SRGAP2: variants seen among roughly 807,000 people sequenced by gnomAD.
The protein encoded by SRGAP2 is SLIT-ROBO Rho GTPase activating protein 2, also known as SLIT-ROBO Rho GTPase-activating protein 2.
Under a neutral mutation model 57.2 loss-of-function variants are expected in SRGAP2, and 15 were observed. That is an observed-to-expected ratio of 0.26 (90% CI 0.18 to 0.40). SRGAP2 has a LOEUF of 0.40. SRGAP2 is among the 10% of genes least tolerant of loss of function. SRGAP2 has a pLI of 1.00. For synonymous variants in SRGAP2, 249 were observed against 248.0 expected, an observed-to-expected ratio of 1.00 and a Z score of -0.04; for missense variants, 520 against 669.6, an observed-to-expected ratio of 0.78 and a Z score of 2.47.
At chr1:206,315,422 T>C (rs1239133912) in intron 3 of SRGAP2, among the ~76,000 whole-genome samples, 1 of 148,886 alleles carries the variant, frequency 6.7e-6, no homozygotes, top group African/African-American at 2.5e-5. Context: ...AGCTGTTTGT[T>C]CCCTCAGGAA....
chr1:206,283,909 C>T (rs1670878181), intron 2 of SRGAP2, among the ~76,000 whole-genome samples: 2 of 133,666 alleles, frequency 1.5e-5, no homozygotes, highest in South Asian at 5.2e-4. Context: ...GTGATATACA[C>T]TAATTTATTT....
chr1:206,231,599 G>A (rs1217585352), intron 2 of SRGAP2, among the ~76,000 whole-genome samples: 4 of 148,766 alleles, frequency 2.7e-5, no homozygotes, highest in South Asian at 2.1e-4. Flanking sequence ...GTGCAATGGC[G>A]TGATCTCAGC....
intron 17 of SRGAP2, among the ~76,000 whole-genome samples, chr1:206,440,840 C>T (rs782436574): frequency 6.6e-5 from 10 of 152,168 alleles, no homozygotes; most frequent in African/African-American, 1.2e-4. Context: ...CCACCGCACC[C>T]GGCATGTTAC....
At chr1:206,439,585 G>C (rs1662081915) in intron 16 of SRGAP2, among the ~76,000 whole-genome samples, 3 of 152,088 alleles carry the variant, frequency 2.0e-5, no homozygotes. Context: ...GGTAGATCCT[G>C]TGGGGAACAT....
In SRGAP2 at chr1:206,453,282, C is replaced by T; in HGVS notation, c.2262C>T (p.Ser754=). Residue 754 remains serine, a synonymous_variant, in exon 20 of 23, where the codon TCC becomes TCT. Transcript: ENST00000573034. The part of the protein sequence containing the change: ...ARELSFKKGA[S]LLLYQRASDD... ...AGCTATCCTTTAAGAAGGGAGCATC[C>T]CTGCTGCTTTACCAGCGGGCTTCCG... is the stretch of plus-strand genomic sequence containing the variant. 1.3e-6 allele frequency: 1 copy of T among 759,722 alleles called. No homozygotes were observed. Among genetic ancestry groups the T allele is most frequent in the Non-Finnish European group, 2.5e-6 (1 of 407,374 alleles). The allele number at this position is 759,722 out of a possible 1,614,324, so 47.1% of individuals were successfully genotyped here.
At chr1:206,417,113 T>G (rs1659794073) in intron 11 of SRGAP2, among the ~76,000 whole-genome samples, 2 of 150,684 alleles carry the variant, frequency 1.3e-5, no homozygotes, top group South Asian at 4.2e-4. Context: ...CTTTTTTTTT[T>G]TTTTTTTTGA....
At chr1:206,432,728 C>G (rs2987936) in intron 14 of SRGAP2, among the ~76,000 whole-genome samples, 92,509 of 152,040 alleles carry the variant, frequency 0.61, 30,046 homozygotes, top group African/African-American at 0.84. Flanking sequence ...GTTACGTACG[C>G]ATAAATCCAT....
intron 2 of SRGAP2, 49 bp from the exon 3 acceptor site, chr1:206,303,232 G>C (rs1261396224): frequency 3.7e-6 from 5 of 1,350,040 alleles, no homozygotes; most frequent in Non-Finnish European, 4.9e-6. Flanking sequence ...ATGCATGGTG[G>C]CTTATTTAGG....
intron 18 of SRGAP2, among the ~76,000 whole-genome samples, chr1:206,449,408 C>T (rs1273571493): frequency 6.6e-6 from 1 of 150,652 alleles, no homozygotes; most frequent in African/African-American, 2.4e-5. Flanking sequence ...CCTCCCACCT[C>T]AGCCTCCAGA....
chr1:206,214,738 GC>G (rs1666536986), intron 2 of SRGAP2: 2 of 149,112 alleles, frequency 1.3e-5, no homozygotes, highest in African/African-American at 4.9e-5. Context: ...GTTGCTGTGA[GC>G]CGAGATCGTG....
chr1:206,276,621 C>T (rs1301618838), intron 2 of SRGAP2, among the ~76,000 whole-genome samples: 18 of 151,928 alleles, frequency 1.2e-4, no homozygotes, highest in Non-Finnish European at 2.2e-4. Context: ...ACCCGTTCCT[C>T]TATAATTGTT....
chr1:206,208,270 GAAT>G (rs1666084813), intron 2 of SRGAP2: 1 of 148,160 alleles, frequency 6.7e-6, no homozygotes, highest in African/African-American at 2.5e-5. Context: ...ATCTGTCAAT[GAAT>G]AATAATAGTA....
At chr1:206,416,068 G>A (rs981532845) in intron 11 of SRGAP2, 95 bp downstream of exon 11, 20 of 649,754 alleles carry the variant, frequency 3.1e-5, no homozygotes, top group Non-Finnish European at 4.4e-5. Flanking sequence ...AAGTGGACCC[G>A]ATCTTGTTGT....
intron 18 of SRGAP2, among the ~76,000 whole-genome samples, chr1:206,449,963 G>T (rs1179315881): frequency 6.6e-6 from 1 of 152,190 alleles, no homozygotes; most frequent in African/African-American, 2.4e-5. Context: ...GGATCACACA[G>T]CTACCAAGTA....
chr1:206,363,856 T>C (rs868918025), intron 4 of SRGAP2, among the ~76,000 whole-genome samples: 1 of 152,242 alleles, frequency 6.6e-6, no homozygotes, highest in African/African-American at 2.4e-5. Flanking sequence ...TTTTAATTAC[T>C]CGGTGAGGAT....
chr1:206,456,734 T>C (rs1206507700), intron 21 of SRGAP2, among the ~76,000 whole-genome samples: 2 of 152,274 alleles, frequency 1.3e-5, no homozygotes, highest in Admixed American at 1.3e-4. Flanking sequence ...GGTGGGTGGG[T>C]GAGCGGTGGC....
intron 2 of SRGAP2, among the ~76,000 whole-genome samples, chr1:206,287,727 C>A (rs1671095614): frequency 1.6e-5 from 1 of 60,856 alleles, no homozygotes; most frequent in African/African-American, 1.3e-4. Flanking sequence ...TAAAGAGAAG[C>A]CACGATGAAA....
intron 10 of SRGAP2, among the ~76,000 whole-genome samples, chr1:206,414,557 C>T (rs1454727269): frequency 6.6e-6 from 1 of 152,116 alleles, no homozygotes; most frequent in Non-Finnish European, 1.5e-5. Context: ...CTTCTGAGTT[C>T]AGACTTAGGC....
At chr1:206,442,645 T>G (rs1323881496) in intron 17 of SRGAP2, among the ~76,000 whole-genome samples, 1 of 152,246 alleles carries the variant, frequency 6.6e-6, no homozygotes, top group African/African-American at 2.4e-5. Flanking sequence ...TTTGCTTTTA[T>G]TGGGTTTTTT....
Sources: allele counts gnomAD v4.1 joint callset (sites outside exome capture counted in the v4.1 genomes callset), GRCh38; gene constraint gnomAD v4.1.1; transcripts MANE v1.5; gene names NCBI Gene and HGNC (gene_info 2026-07-23, HGNC 2026-07-21).